Variants in TAFA1 observed in about 807,000 individuals in gnomAD.
TAFA1 encodes the protein TAFA chemokine like family member 1.
In TAFA1, 4 loss-of-function variants were observed where a neutral mutation model predicts 18.5. The ratio of observed to expected loss-of-function variants is 0.22; its 90% CI spans 0.11 to 0.49. The LOEUF (loss-of-function observed/expected upper bound fraction) is 0.49. Among genes scored for constraint, TAFA1 ranks in the 20% least tolerant of loss-of-function variants. The pLI, the probability that TAFA1 is intolerant of heterozygous loss-of-function variation, is 0.98. For synonymous variants in TAFA1, 56 were observed against 55.2 expected (o/e 1.01, Z -0.06); for missense variants, 147 against 169.0 (o/e 0.87, Z 0.72).
At chr3:68,470,825 G>T (rs888724647) in intron 3 of TAFA1, among the ~76,000 whole-genome samples, 1 of 152,212 alleles carries the variant, frequency 6.6e-6, no homozygotes, top group Non-Finnish European at 1.5e-5. Context: ...AGAAATTCAA[G>T]ATGGCTGTGG....
At chr3:68,431,070 T>C (rs981419948) in intron 3 of TAFA1, among the ~76,000 whole-genome samples, 6 of 151,952 alleles carry the variant, frequency 3.9e-5, no homozygotes, top group Admixed American at 1.3e-4. Context: ...AACACCATGT[T>C]GTATGTAGCT....
chr3:68,192,027 C>T (rs2066347898), intron 2 of TAFA1, among the ~76,000 whole-genome samples: 1 of 151,736 alleles, frequency 6.6e-6, no homozygotes, highest in Admixed American at 6.6e-5. Flanking sequence ...GCTTTGGTTT[C>T]CCTTTCCTTT....
At chr3:68,018,070 C>CT (rs980108479) in intron 2 of TAFA1, among the ~76,000 whole-genome samples, 44 of 152,274 alleles carry the variant, frequency 2.9e-4, no homozygotes, top group African/African-American at 9.6e-4. Flanking sequence ...ACCTTGATGG[C>CT]TAGAGGCCCT....
intron 2 of TAFA1, among the ~76,000 whole-genome samples, chr3:68,046,794 C>G (rs1416243416): frequency 1.3e-5 from 2 of 152,110 alleles, no homozygotes; most frequent in Non-Finnish European, 2.9e-5. Context: ...ACACAGCCTC[C>G]AGTCATCCCC....
At chr3:67,994,175 A>G in the TAFA1 span, among the ~76,000 whole-genome samples, 2 of 152,292 alleles carry the variant, frequency 1.3e-5, no homozygotes, top group South Asian at 2.1e-4. Flanking sequence ...GAAATTTACA[A>G]CATTTCAAAA....
At chr3:68,085,696 A>G (rs756234907) in intron 2 of TAFA1, among the ~76,000 whole-genome samples, 21 of 152,170 alleles carry the variant, frequency 1.4e-4, no homozygotes, top group Non-Finnish European at 2.9e-4. Flanking sequence ...GCGTATTCCA[A>G]TAATCCAAGT....
intron 2 of TAFA1, among the ~76,000 whole-genome samples, chr3:68,397,657 A>G (rs115253375): frequency 0.01 from 1,573 of 152,338 alleles, 28 homozygotes; most frequent in African/African-American, 0.036. Flanking sequence ...AGAATGAGTT[A>G]TAATCCTTTG....
intron 3 of TAFA1, among the ~76,000 whole-genome samples, chr3:68,515,648 A>G (rs2072910036): frequency 6.6e-6 from 1 of 150,474 alleles, no homozygotes. Flanking sequence ...TTATGAAATC[A>G]AAAAAGATAT....
At chr3:68,199,549 G>A (rs1575675408) in intron 2 of TAFA1, among the ~76,000 whole-genome samples, 1 of 151,368 alleles carries the variant, frequency 6.6e-6, no homozygotes, top group East Asian at 2.0e-4. Flanking sequence ...GAATTTTAAA[G>A]TTTTCCTCAT....
At chr3:68,108,079 GTTGT>G (rs1197887614) in intron 2 of TAFA1, among the ~76,000 whole-genome samples, 8 of 152,004 alleles carry the variant, frequency 5.3e-5, no homozygotes, top group Admixed American at 6.6e-5. Context: ...TTCTGACCAG[GTTGT>G]TTAAGGATTT....
chr3:68,036,267 C>T (rs1029930091), intron 2 of TAFA1, among the ~76,000 whole-genome samples: 2 of 151,638 alleles, frequency 1.3e-5, no homozygotes, highest in African/African-American at 4.8e-5. Flanking sequence ...GGTGAAACCC[C>T]ATCTCTACTA....
At chr3:68,305,443 A>C (rs1268571849) in intron 2 of TAFA1, among the ~76,000 whole-genome samples, 12 of 118,094 alleles carry the variant, frequency 1.0e-4, no homozygotes, top group African/African-American at 2.6e-4. Flanking sequence ...ATATATATAT[A>C]TATATATATA....
chr3:68,225,989 A>T (rs1251418118), intron 2 of TAFA1, among the ~76,000 whole-genome samples: 2 of 152,232 alleles, frequency 1.3e-5, no homozygotes, highest in Non-Finnish European at 2.9e-5. Context: ...ACATGATGTT[A>T]AAGAGTCATA....
At chr3:68,202,289 C>T (rs2066477870) in intron 2 of TAFA1, among the ~76,000 whole-genome samples, 1 of 151,644 alleles carries the variant, frequency 6.6e-6, no homozygotes, top group African/African-American at 2.4e-5. Context: ...CTAGTTGGGT[C>T]TTGTTTTTTA....
intron 2 of TAFA1, among the ~76,000 whole-genome samples, chr3:68,349,466 A>T (rs1364191742): frequency 1.3e-5 from 2 of 151,974 alleles, no homozygotes; most frequent in Non-Finnish European, 2.9e-5. Flanking sequence ...TATAGACAAG[A>T]GGAAGAGTTA....
chr3:68,498,721 G>GC (rs2072597251), intron 3 of TAFA1, among the ~76,000 whole-genome samples: 1 of 101,722 alleles, frequency 9.8e-6, no homozygotes, highest in African/African-American at 5.3e-5. Context: ...CCGTTTGGTG[G>GC]CTTTTTTTTT....
At chr3:68,262,292 T>G (rs1203445226) in intron 2 of TAFA1, among the ~76,000 whole-genome samples, 1 of 132,782 alleles carries the variant, frequency 7.5e-6, no homozygotes, top group Middle Eastern at 3.6e-3. Context: ...TCAGCTTTTA[T>G]TTTAGATATG....
chr3:68,084,589 G>A (rs1340905168), intron 2 of TAFA1, among the ~76,000 whole-genome samples: 2 of 152,146 alleles, frequency 1.3e-5, no homozygotes, highest in African/African-American at 4.8e-5. Context: ...CCTGAGGTCA[G>A]GAGTTTGAGA....
At chr3:68,393,133 C>T (rs1000392539) in intron 2 of TAFA1, among the ~76,000 whole-genome samples, 3 of 151,748 alleles carry the variant, frequency 2.0e-5, no homozygotes, top group Non-Finnish European at 4.4e-5. Flanking sequence ...AGAGAAGAAT[C>T]AAGTAGACAC....
Sources: gnomAD v4.1 joint callset for allele counts (sites outside exome capture counted in the v4.1 genomes callset) on GRCh38, gnomAD v4.1.1 for gene constraint, MANE v1.5 for transcripts, NCBI Gene and HGNC (gene_info 2026-07-23, HGNC 2026-07-21) for gene names.